Variants in ACOXL observed in about 807,000 individuals in gnomAD.
ACOXL encodes acyl-coenzyme A oxidase-like protein.
ACOXL carries 70 observed loss-of-function variants against 71.9 expected under a neutral mutation model. The observed-to-expected ratio is 0.97, with a 90% CI of 0.80 to 1.19. The LOEUF is 1.19. Ranked by LOEUF, ACOXL falls within the 50% of genes most tolerant of loss-of-function variation. The probability of loss-of-function intolerance (pLI) is 0.00; values close to 1 mark genes in which losing one functional copy is unlikely to be tolerated. For missense variants in ACOXL, 703 were observed against 736.3 expected (o/e 0.95, Z 0.52); for synonymous variants, 253 against 281.6 (o/e 0.90, Z 1.02).
intron 10 of ACOXL, among the ~76,000 whole-genome samples, chr2:110,890,514 C>T (rs917074811): frequency 6.6e-6 from 1 of 152,128 alleles, no homozygotes. Context: ...GCTCAAACTT[C>T]TTTCTTTTTC....
At chr2:110,814,869 A>C (rs1687742377) in intron 9 of ACOXL, among the ~76,000 whole-genome samples, 1 of 152,226 alleles carries the variant, frequency 6.6e-6, no homozygotes, top group Admixed American at 6.5e-5. Context: ...TATTTTGATA[A>C]TTGTAACTTT....
chr2:110,799,108 C>A lies in ACOXL; in HGVS notation c.547+8C>A. On this transcript the variant is annotated splice_region_variant and intron_variant, in intron 7 of 17. Coordinates refer to ENST00000439055, the MANE Select transcript of ACOXL (RefSeq NM_001142807.4). The stretch of plus-strand genomic sequence containing the variant: ...ATATGATGTACAAGGAGGGTGAGTC[C>A]CCAGGTGCCCTTTTCCTGTGCTCAC... 1 of 1,613,148 alleles carries A rather than the reference C, an allele frequency of 6.2e-7. No homozygotes were observed. The highest frequency in any genetic ancestry group is 8.5e-7 in the Non-Finnish European group (1 of 1,179,350).
chr2:110,761,777 TAA>T (rs1480992522), intron 1 of ACOXL, among the ~76,000 whole-genome samples: 2 of 152,260 alleles, frequency 1.3e-5, no homozygotes, highest in Non-Finnish European at 2.9e-5. Flanking sequence ...TTTGATGGGC[TAA>T]ACCATACCTT....
At chr2:110,970,774 A>G (rs1208836385) in intron 12 of ACOXL, among the ~76,000 whole-genome samples, 2 of 152,242 alleles carry the variant, frequency 1.3e-5, no homozygotes, top group African/African-American at 4.8e-5. Context: ...TCCACAGGCA[A>G]TAAACTGAAC....
intron 2 of ACOXL, among the ~76,000 whole-genome samples, chr2:110,776,087 C>T (rs1457692043): frequency 6.6e-6 from 1 of 152,144 alleles, no homozygotes. Flanking sequence ...GTTATTCAGC[C>T]TTAAAAGGGA....
intron 2 of ACOXL, among the ~76,000 whole-genome samples, chr2:110,782,779 G>T (rs890331106): frequency 6.6e-6 from 1 of 152,198 alleles, no homozygotes; most frequent in Non-Finnish European, 1.5e-5. Flanking sequence ...AGAAAGCTAT[G>T]AATAGTTGGA....
At chr2:110,774,926 A>C (rs1682446989) in intron 2 of ACOXL, among the ~76,000 whole-genome samples, 1 of 152,230 alleles carries the variant, frequency 6.6e-6, no homozygotes, top group Non-Finnish European at 1.5e-5. Context: ...AATTTACTGC[A>C]AAGCTACTAT....
chr2:110,897,290 A>T (rs952594155), intron 10 of ACOXL, among the ~76,000 whole-genome samples: 28 of 152,328 alleles, frequency 1.8e-4, no homozygotes, highest in Non-Finnish European at 3.4e-4. Flanking sequence ...AATGAGGAAA[A>T]GTCTCAAATC....
intron 10 of ACOXL, among the ~76,000 whole-genome samples, chr2:110,890,711 A>G (rs1051853550): frequency 1.3e-5 from 2 of 152,122 alleles, no homozygotes; most frequent in Non-Finnish European, 2.9e-5. Flanking sequence ...CAATTACTGT[A>G]GCTGTGTATC....
chr2:110,780,823 T>C (rs1055543547), intron 2 of ACOXL, among the ~76,000 whole-genome samples: 3 of 151,506 alleles, frequency 2.0e-5, no homozygotes, highest in Non-Finnish European at 4.4e-5. Flanking sequence ...TGCTTGAGAC[T>C]AGGAGTTTAA....
At chr2:111,030,092 CAT>C (rs1322602739) in intron 14 of ACOXL, among the ~76,000 whole-genome samples, 1 of 151,956 alleles carries the variant, frequency 6.6e-6, no homozygotes, top group Non-Finnish European at 1.5e-5. Context: ...TATTTGGACA[CAT>C]GTGCACAGTG....
intron 16 of ACOXL, among the ~76,000 whole-genome samples, chr2:111,084,540 C>T (rs938888072): frequency 2.0e-5 from 3 of 152,110 alleles, no homozygotes; most frequent in Non-Finnish European, 2.9e-5. Context: ...TACTTATCTC[C>T]TATTATGTTC....
chr2:110,866,934 T>G (rs1345647632), intron 10 of ACOXL, among the ~76,000 whole-genome samples: 1 of 152,108 alleles, frequency 6.6e-6, no homozygotes, highest in East Asian at 1.9e-4. Context: ...AAAGATGAGG[T>G]GCAGAAAGTG....
chr2:110,762,689 T>A (rs1419013780), intron 1 of ACOXL, among the ~76,000 whole-genome samples: 1 of 152,190 alleles, frequency 6.6e-6, no homozygotes, highest in Non-Finnish European at 1.5e-5. Flanking sequence ...AGGGTCTCAC[T>A]CTGTCACCCA....
At chr2:110,997,852 C>T (rs2063466310) in intron 14 of ACOXL, among the ~76,000 whole-genome samples, 1 of 152,106 alleles carries the variant, frequency 6.6e-6, no homozygotes, top group African/African-American at 2.4e-5. Flanking sequence ...CTCAGGAGAC[C>T]AGCCTGGGCA....
chr2:110,876,363 A>C (rs752485324), intron 10 of ACOXL, among the ~76,000 whole-genome samples: 1 of 152,134 alleles, frequency 6.6e-6, no homozygotes, highest in Non-Finnish European at 1.5e-5. Context: ...AGCTCCCCCG[A>C]GGTGCCTGTG....
At chr2:111,031,543 T>C in intron 14 of ACOXL, 84 bp from the exon 15 acceptor site, 1 of 1,267,778 alleles carries the variant, frequency 7.9e-7, no homozygotes, top group Non-Finnish European at 1.1e-6. Flanking sequence ...ACTGAAAATT[T>C]GGATGTTTGC....
In ACOXL at chr2:111,002,365, G is replaced by A. The variant is rs868802000; in HGVS notation, c.1281+6361G>A. Among the ~76,000 whole-genome samples the A allele has an allele frequency of 3.3e-5, 5 of 152,096 alleles. No homozygotes were observed. In the South Asian group the frequency reaches 6.2e-4, roughly 19 times the overall value. On this transcript the variant is annotated intron_variant, in intron 14 of 17. Transcript: ENST00000439055. ...AAACAAAAAACTGTTCAAAAGTTTTGGCATTGATATACACATTTTTGAAGC... is the reference window on the plus strand; with the variant it reads ...AAACAAAAAACTGTTCAAAAGTTTTAGCATTGATATACACATTTTTGAAGC...
intron 8 of ACOXL, among the ~76,000 whole-genome samples, chr2:110,803,151 T>C (rs1286541202): frequency 6.6e-6 from 1 of 152,160 alleles, no homozygotes; most frequent in African/African-American, 2.4e-5. Flanking sequence ...TGGTGGGTGC[T>C]AAAGTCCCCC....
Sources: gnomAD v4.1 joint callset for allele counts (sites outside exome capture counted in the v4.1 genomes callset) on GRCh38, gnomAD v4.1.1 for gene constraint, MANE v1.5 for transcripts, NCBI Gene and HGNC (gene_info 2026-07-23, HGNC 2026-07-21) for gene names.